Variants in PHLDB2 observed in about 807,000 individuals in gnomAD.
PHLDB2 encodes pleckstrin homology like domain family B member 2, also known as pleckstrin homology-like domain family B member 2.
A neutral mutation model predicts 123.6 loss-of-function variants in PHLDB2; 71 were observed. The ratio of observed to expected loss-of-function variants is 0.57; its 90% CI spans 0.47 to 0.70. The LOEUF (loss-of-function observed/expected upper bound fraction) is 0.70, where lower values mean the gene tolerates loss of function less well. Ranked by LOEUF, PHLDB2 falls within the 30% of genes least tolerant of loss-of-function variation. The probability of loss-of-function intolerance (pLI) is 0.00; values close to 1 mark genes in which losing one functional copy is unlikely to be tolerated. For synonymous variants in PHLDB2, 547 were observed against 541.6 expected, an observed-to-expected ratio of 1.01 and a Z score of -0.14; for missense variants, 1,446 against 1,519.5, an observed-to-expected ratio of 0.95 and a Z score of 0.80.
intron 1 of PHLDB2, among the ~76,000 whole-genome samples, chr3:111,835,161 G>A (rs1470620128): frequency 1.3e-5 from 2 of 151,972 alleles, no homozygotes; most frequent in African/African-American, 4.8e-5. Context: ...CCTTATATCA[G>A]TTTCAGAGTT....
chr3:111,967,419 A>C (rs889282049), intron 14 of PHLDB2, among the ~76,000 whole-genome samples: 8 of 152,192 alleles, frequency 5.3e-5, no homozygotes, highest in Non-Finnish European at 8.8e-5. Flanking sequence ...AAATGACTGA[A>C]TATATTAACA....
upstream of PHLDB2, among the ~76,000 whole-genome samples, chr3:111,857,613 A>G (rs1416323845): frequency 1.3e-5 from 2 of 152,216 alleles, no homozygotes; most frequent in Non-Finnish European, 2.9e-5. Context: ...TGGATTGATC[A>G]GTGTATGTAT....
chr3:111,901,178 T>C (rs1007379831), intron 2 of PHLDB2, among the ~76,000 whole-genome samples: 22 of 151,516 alleles, frequency 1.5e-4, no homozygotes, highest in Non-Finnish European at 2.9e-4. Flanking sequence ...GCTAACACGG[T>C]GAAACCCCAT....
intron 1 of PHLDB2, among the ~76,000 whole-genome samples, chr3:111,740,539 C>T (rs2059585214): frequency 6.6e-6 from 1 of 152,306 alleles, no homozygotes; most frequent in Non-Finnish European, 1.5e-5. Context: ...ATACCCACTT[C>T]TCTGTTTCTA....
chr3:111,815,470 A>G (rs1490189945), intron 1 of PHLDB2, among the ~76,000 whole-genome samples: 1 of 152,186 alleles, frequency 6.6e-6, no homozygotes, highest in Non-Finnish European at 1.5e-5. Context: ...TCAGATGAAG[A>G]TGAGGAATTT....
chr3:111,932,179 T>C, intron 5 of PHLDB2, 90 bp from the exon 6 acceptor site: 1 of 1,374,016 alleles, frequency 7.3e-7, no homozygotes, highest in South Asian at 1.4e-5. Context: ...TGTGTATGTT[T>C]GTTTATGTTA....
intron 2 of PHLDB2, among the ~76,000 whole-genome samples, chr3:111,904,068 A>C (rs556380945): frequency 6.6e-6 from 1 of 152,206 alleles, no homozygotes; most frequent in South Asian, 2.1e-4. Context: ...ACTTGAGGTG[A>C]GGAGTTCGAG....
upstream of PHLDB2, among the ~76,000 whole-genome samples, chr3:111,855,884 G>A (rs1020572067): frequency 6.6e-6 from 1 of 152,004 alleles, no homozygotes; most frequent in Non-Finnish European, 1.5e-5. Context: ...CTGCTACCTC[G>A]GCTCCCAAGG....
chr3:111,772,967 A>G (rs1224259568), intron 1 of PHLDB2, among the ~76,000 whole-genome samples: 1 of 152,114 alleles, frequency 6.6e-6, no homozygotes, highest in Non-Finnish European at 1.5e-5. Flanking sequence ...TCACCTATCC[A>G]TTTCCACTCA....
Position 111,885,280 on chromosome 3 carries a change from C to T in PHLDB2, c.1203C>T (p.Ala401=). 1 of 1,614,156 alleles carries T rather than the reference C, an allele frequency of 6.2e-7. No homozygotes were observed. The highest frequency in any genetic ancestry group is 1.1e-5 in the South Asian group (1 of 91,076). The change falls in exon 2 of 18, where the codon GCC becomes GCT. Residue 401 remains alanine (A), a synonymous_variant. Transcript: ENST00000431670. ...CAGATTTGGAAAGCCTCAGACAGGC[C>T]TCAGGAACCCCCCAGCCTGCCCTTC... ...DEADLESLRQ[A]SGTPQPALRE...
chr3:111,847,512 C>T (rs751201845), intron 2 of PHLDB2, among the ~76,000 whole-genome samples: 39 of 152,302 alleles, frequency 2.6e-4, no homozygotes, highest in Middle Eastern at 3.4e-3. Flanking sequence ...CACATCCTGC[C>T]ATAAGTGGAA....
chr3:111,780,301 G>GA (rs759697351), intron 1 of PHLDB2, among the ~76,000 whole-genome samples: 1,504 of 3,916 alleles, frequency 0.38, 635 homozygotes, highest in East Asian at 0.85. Context: ...AGAAGAGGAA[G>GA]AGGAAGAGGA....
At chr3:111,922,328 C>T (rs2068568143) in intron 5 of PHLDB2, among the ~76,000 whole-genome samples, 1 of 152,144 alleles carries the variant, frequency 6.6e-6, no homozygotes, top group Non-Finnish European at 1.5e-5. Flanking sequence ...AATGTTAAAT[C>T]TCACTTCCCA....
intron 1 of PHLDB2, among the ~76,000 whole-genome samples, chr3:111,808,216 G>A (rs573764751): frequency 5.7e-4 from 86 of 152,194 alleles, no homozygotes; most frequent in African/African-American, 2.0e-3. Flanking sequence ...AAAATTGTGG[G>A]GTGAACTGTC....
intron 12 of PHLDB2, chr3:111,957,092 G>C (rs1242926625): frequency 6.6e-6 from 1 of 152,630 alleles, no homozygotes; most frequent in Non-Finnish European, 1.5e-5. Context: ...AAAGAACTTT[G>C]AGAGGAGAGT....
At chr3:111,835,781 A>T (rs899917288) in intron 1 of PHLDB2, among the ~76,000 whole-genome samples, 1 of 152,196 alleles carries the variant, frequency 6.6e-6, no homozygotes, top group East Asian at 1.9e-4. Context: ...GTCACCAGGA[A>T]CACCTTACAT....
chr3:111,857,064 G>A (rs1216833566), upstream of PHLDB2, among the ~76,000 whole-genome samples: 2 of 152,134 alleles, frequency 1.3e-5, no homozygotes, highest in African/African-American at 4.8e-5. Flanking sequence ...TATAGGCAGA[G>A]AGGGCAATTA....
At chr3:111,973,296 A>G (rs2072333365) in intron 16 of PHLDB2, among the ~76,000 whole-genome samples, 1 of 152,224 alleles carries the variant, frequency 6.6e-6, no homozygotes, top group Non-Finnish European at 1.5e-5. Flanking sequence ...ATGGGTAGAA[A>G]ATTATTTTAA....
intron 2 of PHLDB2, among the ~76,000 whole-genome samples, chr3:111,899,684 A>C (rs9811953): frequency 0.17 from 25,361 of 152,210 alleles, 2,219 homozygotes; most frequent in Admixed American, 0.21. Context: ...AAACAGAGTC[A>C]ACCTATCCTT....
Sources: gnomAD v4.1 joint callset for allele counts (sites outside exome capture counted in the v4.1 genomes callset) on GRCh38, gnomAD v4.1.1 for gene constraint, MANE v1.5 for transcripts, NCBI Gene and HGNC (gene_info 2026-07-23, HGNC 2026-07-21) for gene names.